OTULIN: variants seen among roughly 807,000 people sequenced by gnomAD.
OTULIN encodes OTU deubiquitinase with linear linkage specificity.
OTULIN carries 15 observed loss-of-function variants against 39.6 expected under a neutral mutation model. That is an observed-to-expected ratio of 0.38 (90% CI 0.25 to 0.58). The LOEUF is 0.58. Among genes scored for constraint, OTULIN ranks in the 20% least tolerant of loss-of-function variants. The pLI, the probability that OTULIN is intolerant of heterozygous loss-of-function variation, is 0.66. For synonymous variants in OTULIN, 156 were observed against 170.3 expected, an observed-to-expected ratio of 0.92 and a Z score of 0.65; for missense variants, 319 against 445.9, an observed-to-expected ratio of 0.72 and a Z score of 2.56.
At chr5:14,705,408 G>C in the OTULIN span, 1 of 152,176 alleles carries the variant, frequency 6.6e-6, no homozygotes, top group South Asian at 2.1e-4. Context: ...CAGAATGTTA[G>C]ATCAGGAAGG....
At chr5:14,684,488 A>G (rs948301270) in intron 4 of OTULIN, among the ~76,000 whole-genome samples, 6 of 152,232 alleles carry the variant, frequency 3.9e-5, no homozygotes, top group Non-Finnish European at 5.9e-5. Flanking sequence ...CTGGTTGTGC[A>G]AATCTACCAG....
At chr5:14,711,099 CAAAAA>C in the OTULIN span, 10 of 1,135,526 alleles carry the variant, frequency 8.8e-6, no homozygotes, top group Non-Finnish European at 1.3e-5. Flanking sequence ...CAAAACAAAA[CAAAAA>C]AAAGGGAACA....
chr5:14,687,584 G>A lies in OTULIN; in HGVS notation c.532G>A (p.Asp178Asn), dbSNP rs1234687423. The A allele has an allele frequency of 6.2e-7, 1 of 1,614,112 alleles. No homozygotes were observed. The highest frequency in any genetic ancestry group is 1.6e-4 in the Middle Eastern group (1 of 6,062). ...IKQWKLGLKF[D>N]GKNEDLVDKI... ...GCAATGGAAACTTGGACTGAAATTT[G>A]ATGGGAAGAATGAGGACCTGGTTGA... The change falls in exon 5 of 7, where the codon GAT (aspartate) becomes AAT (asparagine). Residue 178 changes from aspartate (D) to asparagine (N), a missense_variant. By Grantham distance (23) the Asp-to-Asn change is conservative. Around this residue, in one of 4 missense-constraint regions of OTULIN, gnomAD observed 54 missense variants for 50.7 expected, o/e 1.07. Transcript: ENST00000284274.
In OTULIN at chr5:14,690,388, G is replaced by T; in HGVS notation, c.864+80G>T. 6.6e-7 allele frequency: 1 copy of T among 1,524,758 alleles called. No individual in the cohort carries two copies. Among genetic ancestry groups the T allele is most frequent in the Non-Finnish European group, 8.8e-7 (1 of 1,131,348 alleles). The allele number at this position is 1,524,758 out of a possible 1,614,324, so 94.5% of individuals were successfully genotyped here. A position where few individuals can be genotyped will look rare whatever the true frequency, so the allele number is the denominator to read the frequency against. On this transcript the variant is annotated intron_variant, in intron 6 of 6. Transcript: ENST00000284274. This position sits in a 1 kb window ranked among gnomAD's most constrained non-coding sequence, Gnocchi z 4.5. ...AAACTTGATGTCACAGTTTTTGTAG[G>T]TCAGAAATTCAGGGACAGCTTAGTT...
chr5:14,713,172 C>T, the OTULIN span, among the ~76,000 whole-genome samples: 1 of 152,190 alleles, frequency 6.6e-6, no homozygotes, highest in African/African-American at 2.4e-5. The surrounding 1 kb of genome is among the most constrained non-coding windows in gnomAD (Gnocchi z 4.4). Context: ...GGCCACCTCC[C>T]TCCCACAGCA....
chr5:14,669,428 G>T (rs1478289463), intron 1 of OTULIN, among the ~76,000 whole-genome samples: 1 of 152,032 alleles, frequency 6.6e-6, no homozygotes, highest in Non-Finnish European at 1.5e-5. Context: ...TTAAAATAAT[G>T]CCATAGTGCA....
At chr5:14,704,388 C>T (rs1214753931), downstream of OTULIN, among the ~76,000 whole-genome samples, 1 of 128,472 alleles carries the variant, frequency 7.8e-6, no homozygotes, top group East Asian at 2.5e-4. Context: ...CCCATAAAGA[C>T]TAAGAAGAGT....
At chr5:14,671,269 T>C (rs1735971812) in intron 1 of OTULIN, among the ~76,000 whole-genome samples, 3 of 152,174 alleles carry the variant, frequency 2.0e-5, no homozygotes, top group Admixed American at 6.5e-5. Context: ...GTGCATGTAG[T>C]ATAGCCACAG....
chr5:14,689,739 G>A lies in OTULIN; in HGVS notation c.595-300G>A, dbSNP rs567184180. 5.1e-4 allele frequency among the ~76,000 whole-genome samples: 78 copies of A among 152,274 alleles called. 1 individual carries two copies. Among genetic ancestry groups the A allele is most frequent in the Non-Finnish European group, 9.8e-4 (67 of 68,022 alleles). On this transcript the variant is annotated intron_variant, in intron 5 of 6. Transcript: ENST00000284274. The stretch of plus-strand genomic sequence containing the variant: ...CACACATGTGTTAGCTCTTCCATAA[G>A]TGTCTCTGATTGGCTGGTTCAATCT...
intron 2 of OTULIN, among the ~76,000 whole-genome samples, chr5:14,677,942 G>A (rs142684950): frequency 2.8e-4 from 42 of 152,346 alleles, no homozygotes; most frequent in African/African-American, 9.6e-4. Context: ...GAGCACCTGT[G>A]TGTCAGTGCA....
intron 1 of OTULIN, among the ~76,000 whole-genome samples, chr5:14,673,255 A>AT (rs1261105993): frequency 6.6e-6 from 1 of 152,178 alleles, no homozygotes; most frequent in Non-Finnish European, 1.5e-5. Context: ...CTATATAAAT[A>AT]TTTTTATCAG....
chr5:14,712,948 C>G, the OTULIN span: 4 of 1,613,446 alleles, frequency 2.5e-6, no homozygotes, highest in Non-Finnish European at 3.4e-6. Context: ...AGGAGGGAGC[C>G]CACGCCCAGG....
the OTULIN span, among the ~76,000 whole-genome samples, chr5:14,712,529 T>C: frequency 2.0e-4 from 30 of 152,140 alleles, no homozygotes; most frequent in Non-Finnish European, 1.8e-4. Flanking sequence ...CTGTCCCCTC[T>C]CCCATCGGCA....
At chr5:14,674,641 G>T (rs896279698) in intron 2 of OTULIN, among the ~76,000 whole-genome samples, 1 of 152,192 alleles carries the variant, frequency 6.6e-6, no homozygotes, top group Non-Finnish European at 1.5e-5. Flanking sequence ...TGTGGTGCCA[G>T]CTACTCAGGA....
chr5:14,674,468 A>G (rs1490232275), intron 2 of OTULIN, among the ~76,000 whole-genome samples: 6 of 152,230 alleles, frequency 3.9e-5, no homozygotes, highest in African/African-American at 1.2e-4. Flanking sequence ...GAATTGAAAG[A>G]TAGAAGGCTG....
the OTULIN span, chr5:14,710,779 T>G: frequency 1.2e-4 from 25 of 208,848 alleles, no homozygotes; most frequent in East Asian, 2.9e-3. Flanking sequence ...TTTAACCTGT[T>G]GATTCTTAAG....
At chr5:14,689,541 A>C (rs577399057) in intron 5 of OTULIN, among the ~76,000 whole-genome samples, 6 of 152,156 alleles carry the variant, frequency 3.9e-5, no homozygotes, top group Non-Finnish European at 8.8e-5. Flanking sequence ...TGAAGTTCAT[A>C]TATATTTTTG....
At chr5:14,692,612 G>A (rs1736557162) in intron 6 of OTULIN, among the ~76,000 whole-genome samples, 1 of 149,212 alleles carries the variant, frequency 6.7e-6, no homozygotes, top group Non-Finnish European at 1.5e-5. Context: ...TTTGTTAATT[G>A]TTGTAAAAGT....
At chr5:14,716,440 C>T in the OTULIN span, among the ~76,000 whole-genome samples, 112 of 151,956 alleles carry the variant, frequency 7.4e-4, no homozygotes, top group African/African-American at 2.5e-3. Context: ...TGCAGTGAGC[C>T]GACATTGTGC....
Sources: allele counts gnomAD v4.1 joint callset (sites outside exome capture counted in the v4.1 genomes callset), GRCh38; gene constraint gnomAD v4.1.1; regional missense constraint gnomAD v4.1.1; non-coding constraint Gnocchi (gnomAD v3.1); transcripts MANE v1.5; gene names NCBI Gene and HGNC (gene_info 2026-07-23, HGNC 2026-07-21).